ZNF804B: variants seen among roughly 807,000 people sequenced by gnomAD.
ZNF804B encodes zinc finger protein 804B, also known as zinc finger 804B.
ZNF804B carries 80 observed loss-of-function variants against 101.4 expected under a neutral mutation model. The ratio of observed to expected loss-of-function variants is 0.79; its 90% CI spans 0.66 to 0.95. The LOEUF is 0.95. ZNF804B is among the 40% of genes least tolerant of loss of function. The pLI is 0.00. For missense variants in ZNF804B, 1,673 were observed against 1,561.9 expected, an observed-to-expected ratio of 1.07 and a Z score of -1.20; for synonymous variants, 622 against 558.8, an observed-to-expected ratio of 1.11 and a Z score of -1.59.
intron 1 of ZNF804B, among the ~76,000 whole-genome samples, chr7:88,853,819 T>A (rs1378463219): frequency 1.3e-5 from 2 of 152,126 alleles, no homozygotes; most frequent in East Asian, 3.9e-4. Flanking sequence ...TAAGATGGTA[T>A]GACCTTCTTG....
intron 1 of ZNF804B, among the ~76,000 whole-genome samples, chr7:88,928,909 G>A (rs1041608192): frequency 5.3e-5 from 8 of 151,744 alleles, no homozygotes; most frequent in African/African-American, 1.5e-4. Context: ...ATTCTTTTTA[G>A]TTGGCTCATA....
intron 1 of ZNF804B, among the ~76,000 whole-genome samples, chr7:88,813,136 G>A (rs1044185378): frequency 2.0e-5 from 3 of 151,574 alleles, no homozygotes; most frequent in Non-Finnish European, 2.9e-5. Context: ...ATCTTATATA[G>A]AGTTTTAAAA....
chr7:89,136,980 C>A (rs1790647025), intron 1 of ZNF804B, among the ~76,000 whole-genome samples: 1 of 151,858 alleles, frequency 6.6e-6, no homozygotes, highest in African/African-American at 2.4e-5. Context: ...CTGGTAACAA[C>A]CACGTAAGAA....
chr7:89,335,405 A>G lies in ZNF804B; in HGVS notation c.2423A>G (p.Gln808Arg). 6.2e-7 allele frequency: 1 copy of G among 1,613,836 alleles called. No individual in the cohort carries two copies. Residue 808 changes from glutamine (Q) to arginine (R), a missense_variant, in exon 4 of 4, where the codon CAA becomes CGA. Physicochemically the swap from Gln to Arg is conservative, Grantham distance 43 (BLOSUM62 1). Transcript: ENST00000333190. ...AGATATTGTCACTGCAGAGAAAGAC[A>G]AAAACTGGGCAAAAATCAACAACAA... The part of the protein sequence containing the change: ...KRRYCHCRER[Q>R]KLGKNQQQFS...
At chr7:89,298,455 T>C (rs1790426596) in intron 2 of ZNF804B, among the ~76,000 whole-genome samples, 1 of 150,326 alleles carries the variant, frequency 6.7e-6, no homozygotes, top group Admixed American at 6.7e-5. Flanking sequence ...GCACTACTAT[T>C]AATATACAGG....
At chr7:88,975,434 A>G (rs368301941) in intron 1 of ZNF804B, among the ~76,000 whole-genome samples, 5 of 151,374 alleles carry the variant, frequency 3.3e-5, no homozygotes, top group East Asian at 3.9e-4. Flanking sequence ...CATCCTCACC[A>G]ATATTTGATA....
chr7:89,219,450 T>C (rs1387662791), intron 2 of ZNF804B, among the ~76,000 whole-genome samples: 1 of 151,784 alleles, frequency 6.6e-6, no homozygotes, highest in Non-Finnish European at 1.5e-5. Flanking sequence ...GGTGAAAACA[T>C]TTCAGTTTAT....
intron 1 of ZNF804B, among the ~76,000 whole-genome samples, chr7:88,921,114 T>C (rs191610321): frequency 8.7e-4 from 133 of 152,190 alleles, no homozygotes; most frequent in South Asian, 5.2e-3. Flanking sequence ...CTTAAAATTA[T>C]GTTATTTCAG....
Position 89,336,703 on chromosome 7 carries a change from GCA to G in ZNF804B, c.3724_3725del (p.His1242PhefsTer88). On this transcript the variant is annotated frameshift_variant, in exon 4 of 4. Transcript: ENST00000333190. LOFTEE classifies it high-confidence loss of function. ...TGCTCATCTACATCCTCTTTCACAG[GCA>G]CATTTCAGTCCTATTTCATTTTCGA... ...PIAHLHPLSQ[A>X]HFSPISFSTL... is the part of the protein sequence containing the mutation. 6.2e-7 allele frequency: 1 copy of G among 1,613,898 alleles called. No individual in the cohort carries two copies.
intron 1 of ZNF804B, among the ~76,000 whole-genome samples, chr7:88,787,077 C>T (rs1790313706): frequency 6.6e-6 from 1 of 151,686 alleles, no homozygotes; most frequent in Non-Finnish European, 1.5e-5. Flanking sequence ...CAGAATTTTG[C>T]TAAGAGAAGT....
chr7:89,060,798 C>T lies in ZNF804B; in HGVS notation c.109-157357C>T, dbSNP rs561020925. ...AAGTGAGTTAACACAATGTTGACTT[C>T]GTGTGTAAGCACTGTGCATGTACAT... On this transcript the variant is annotated intron_variant, in intron 1 of 3. Transcript: ENST00000333190. Among the ~76,000 whole-genome samples the T allele has an allele frequency of 3.0e-4, 45 of 152,204 alleles. No individual in the cohort carries two copies. The South Asian group carries it at 3.5e-3, about 12-fold the overall frequency.
intron 1 of ZNF804B, among the ~76,000 whole-genome samples, chr7:89,135,224 G>A (rs765234600): frequency 3.3e-5 from 5 of 152,102 alleles, no homozygotes; most frequent in Non-Finnish European, 5.9e-5. Flanking sequence ...TGTAAAACCT[G>A]AGAAAGTTGG....
rs10263091 is a variant in ZNF804B at position 89,283,494 on chromosome 7, C to G, written c.250-43850C>G. ...TGTGGACTACAAATGAGCCACTGCACTCCAGCCTGGGTGACACAGCAAGAA... is the reference window on the plus strand; with the variant it reads ...TGTGGACTACAAATGAGCCACTGCAGTCCAGCCTGGGTGACACAGCAAGAA... On this transcript the variant is annotated intron_variant, in intron 2 of 3. Coordinates refer to ENST00000333190, the MANE Select transcript of ZNF804B (RefSeq NM_181646.5). Among the ~76,000 whole-genome samples, 363 of 152,274 alleles carry G rather than the reference C, an allele frequency of 2.4e-3. 2 individuals are homozygous for G. Among genetic ancestry groups the G allele is most frequent in the African/African-American group, 8.3e-3 (347 of 41,562 alleles).
intron 1 of ZNF804B, among the ~76,000 whole-genome samples, chr7:89,054,855 T>C (rs1048231932): frequency 4.6e-5 from 7 of 152,052 alleles, no homozygotes; most frequent in Non-Finnish European, 1.0e-4. Flanking sequence ...CTCATTTTTT[T>C]CCTTTCTTTA....
chr7:89,092,969 A>G (rs1459775265), intron 1 of ZNF804B, among the ~76,000 whole-genome samples: 1 of 152,204 alleles, frequency 6.6e-6, no homozygotes, highest in Non-Finnish European at 1.5e-5. Context: ...GCAAGGGAAT[A>G]TTTATGTATA....
intron 1 of ZNF804B, among the ~76,000 whole-genome samples, chr7:89,195,624 A>C (rs971292118): frequency 2.0e-5 from 3 of 151,736 alleles, no homozygotes; most frequent in South Asian, 2.1e-4. Flanking sequence ...TAGGAATCCA[A>C]CTTACAGGGG....
At chr7:89,146,790 C>G (rs1790796246) in intron 1 of ZNF804B, among the ~76,000 whole-genome samples, 1 of 151,888 alleles carries the variant, frequency 6.6e-6, no homozygotes, top group Non-Finnish European at 1.5e-5. Flanking sequence ...CTTCGGGAGG[C>G]TGAGACGGGG....
intron 2 of ZNF804B, among the ~76,000 whole-genome samples, chr7:89,297,014 A>C (rs1430150856): frequency 2.0e-5 from 3 of 152,066 alleles, no homozygotes; most frequent in Admixed American, 1.3e-4. Flanking sequence ...TTATGTGTAC[A>C]AAATTGAGCG....
chr7:89,159,556 G>A (rs1791027892), intron 1 of ZNF804B, among the ~76,000 whole-genome samples: 1 of 152,148 alleles, frequency 6.6e-6, no homozygotes, highest in African/African-American at 2.4e-5. Context: ...GCATGGAACA[G>A]AGTGGGCATG....
Sources: allele counts gnomAD v4.1 joint callset (sites outside exome capture counted in the v4.1 genomes callset), GRCh38; gene constraint gnomAD v4.1.1; transcripts MANE v1.5; gene names NCBI Gene and HGNC (gene_info 2026-07-23, HGNC 2026-07-21).